CEP112: variants seen among roughly 807,000 people sequenced by gnomAD.
CEP112 encodes the protein centrosomal protein 112, also known as centrosomal protein of 112 kDa.
Under a neutral mutation model 153.0 loss-of-function variants are expected in CEP112, and 127 were observed. The ratio of observed to expected loss-of-function variants is 0.83; its 90% CI spans 0.72 to 0.96. CEP112 has a LOEUF of 0.96. Among genes scored for constraint, CEP112 ranks in the 40% least tolerant of loss-of-function variants. The probability of loss-of-function intolerance (pLI) is 0.00; values close to 1 mark genes in which losing one functional copy is unlikely to be tolerated. For synonymous variants in CEP112, 358 were observed against 374.4 expected (o/e 0.96, Z 0.51); for missense variants, 1,089 against 1,101.2 (o/e 0.99, Z 0.16).
chr17:66,101,769 T>G (rs111470289), intron 6 of CEP112, among the ~76,000 whole-genome samples: 1 of 151,974 alleles, frequency 6.6e-6, no homozygotes, highest in African/African-American at 2.4e-5. Flanking sequence ...TTTAAATACA[T>G]GCTGGAAAAA....
rs1284881105 is a variant in CEP112, at chr17:65,937,855, C to T, written c.1873-10166G>A. On this transcript the variant is annotated intron_variant, in intron 18 of 26. Coordinates refer to ENST00000535342, the MANE Select transcript of CEP112 (RefSeq NM_001199165.4). ...CCGGGAGGTGAGGGGCGCCTCTGCC[C>T]GGCCGCCCCTACTGGGAAGTGAGGA... 6.1e-3 allele frequency among the ~76,000 whole-genome samples: 615 copies of T among 101,532 alleles called. 4 individuals carry two copies. Among genetic ancestry groups the T allele is most frequent in the African/African-American group, 0.011 (326 of 29,178 alleles). The allele number at this position is 101,532 out of a possible 152,430, so 66.6% of individuals were successfully genotyped here.
chr17:66,005,872 T>C (rs1007135781), intron 16 of CEP112, 103 bp from the exon 17 acceptor site: 31 of 981,232 alleles, frequency 3.2e-5, no homozygotes, highest in Middle Eastern at 2.5e-4. Flanking sequence ...ATTTTTAATA[T>C]AAAATTAGAT....
chr17:65,650,231 G>C (rs1020047563), intron 24 of CEP112, among the ~76,000 whole-genome samples: 1 of 152,178 alleles, frequency 6.6e-6, no homozygotes, highest in South Asian at 2.1e-4. Flanking sequence ...CCCCTGCTCT[G>C]TGGTGATGTC....
intron 20 of CEP112, among the ~76,000 whole-genome samples, chr17:65,867,484 A>G (rs2058524785): frequency 6.6e-6 from 1 of 152,250 alleles, no homozygotes; most frequent in South Asian, 2.1e-4. Context: ...AAAATACTCC[A>G]GGACCATACA....
At chr17:65,814,696 A>G (rs1005531065) in intron 21 of CEP112, among the ~76,000 whole-genome samples, 2 of 152,160 alleles carry the variant, frequency 1.3e-5, no homozygotes, top group African/African-American at 4.8e-5. Context: ...AACCTATAAA[A>G]TTAATAAACT....
At chr17:65,655,428 T>G in intron 24 of CEP112, 1 of 1,295,344 alleles carries the variant, frequency 7.7e-7, no homozygotes, top group Non-Finnish European at 1.1e-6. Flanking sequence ...GATAACATTT[T>G]GTCTTTGACT....
intron 21 of CEP112, among the ~76,000 whole-genome samples, chr17:65,756,879 T>C (rs2145335094): frequency 6.6e-6 from 1 of 152,254 alleles, no homozygotes; most frequent in South Asian, 2.1e-4. Context: ...AGGGGAGGGC[T>C]ATGTCATGGA....
At chr17:65,782,917 G>C (rs561703584) in intron 21 of CEP112, among the ~76,000 whole-genome samples, 2 of 151,154 alleles carry the variant, frequency 1.3e-5, no homozygotes, top group African/African-American at 2.4e-5. Context: ...TCAGCATCAC[G>C]CAATATACCC....
intron 20 of CEP112, among the ~76,000 whole-genome samples, chr17:65,853,743 T>G (rs548273433): frequency 7.0e-4 from 98 of 139,256 alleles, no homozygotes; most frequent in African/African-American, 2.5e-3. Flanking sequence ...AAAAAAAAAA[T>G]TCTATTTCCG....
At chr17:65,680,530 C>G (rs1040652971) in intron 24 of CEP112, among the ~76,000 whole-genome samples, 1 of 152,010 alleles carries the variant, frequency 6.6e-6, no homozygotes, top group Non-Finnish European at 1.5e-5. Flanking sequence ...ATTAATTCAC[C>G]GAGCACCATT....
chr17:65,676,930 A>G, intron 24 of CEP112, among the ~76,000 whole-genome samples: 1 of 152,052 alleles, frequency 6.6e-6, no homozygotes, highest in Non-Finnish European at 1.5e-5. Flanking sequence ...CAACTGGGGG[A>G]GCCTGGCCTG....
chr17:65,870,077 G>GAAAGAAAGA (rs1555689593), intron 20 of CEP112, among the ~76,000 whole-genome samples: 4 of 147,980 alleles, frequency 2.7e-5, no homozygotes, highest in East Asian at 2.0e-4. Flanking sequence ...AAGAAAGAAA[G>GAAAGAAAGA]AAAGAAAAGA....
At chr17:65,927,104 T>G (rs187907420) in intron 19 of CEP112, among the ~76,000 whole-genome samples, 1 of 141,406 alleles carries the variant, frequency 7.1e-6, no homozygotes, top group African/African-American at 3.1e-5. Flanking sequence ...ACTCTGAGTT[T>G]GAGTGACCTG....
intron 26 of CEP112, chr17:65,636,591 T>G (rs2044782074): frequency 6.4e-6 from 1 of 155,040 alleles, no homozygotes; most frequent in South Asian, 2.0e-4. Flanking sequence ...CTTCCATCTT[T>G]CATCTTTCTT....
At chr17:66,103,843 T>G (rs896432093) in intron 6 of CEP112, among the ~76,000 whole-genome samples, 3 of 152,176 alleles carry the variant, frequency 2.0e-5, no homozygotes, top group African/African-American at 7.2e-5. Flanking sequence ...ACAGTGATTG[T>G]GGGATTTTGC....
chr17:65,869,944 T>C (rs1427691795), intron 20 of CEP112, among the ~76,000 whole-genome samples: 1 of 149,554 alleles, frequency 6.7e-6, no homozygotes, highest in African/African-American at 2.5e-5. Flanking sequence ...TGGAGCACAC[T>C]ACAAAGGTCT....
chr17:65,936,221 T>C (rs966714796), intron 18 of CEP112, among the ~76,000 whole-genome samples: 1 of 152,078 alleles, frequency 6.6e-6, no homozygotes, highest in Non-Finnish European at 1.5e-5. Flanking sequence ...AGACCAGCAA[T>C]GACTAAGGAG....
At chr17:65,644,323 G>A (rs1697129667) in intron 24 of CEP112, 1 of 570,872 alleles carries the variant, frequency 1.8e-6, no homozygotes, top group Non-Finnish European at 3.1e-6. Context: ...CCATTTGAGT[G>A]CCAAGATGGT....
At chr17:65,675,077 T>C (rs943824018) in intron 24 of CEP112, among the ~76,000 whole-genome samples, 14 of 152,124 alleles carry the variant, frequency 9.2e-5, no homozygotes, top group Non-Finnish European at 1.9e-4. Flanking sequence ...TAGACACAGC[T>C]AAGGAGAGAA....
Sources: gnomAD v4.1 joint callset for allele counts (sites outside exome capture counted in the v4.1 genomes callset) on GRCh38, gnomAD v4.1.1 for gene constraint, MANE v1.5 for transcripts, NCBI Gene and HGNC (gene_info 2026-07-23, HGNC 2026-07-21) for gene names.